MGST1: variants seen among roughly 807,000 people sequenced by gnomAD.
MGST1 encodes the protein microsomal glutathione S-transferase 1.
MGST1 carries 5 observed loss-of-function variants against 8.9 expected under a neutral mutation model. The ratio of observed to expected loss-of-function variants is 0.56; its 90% CI spans 0.29 to 1.19. MGST1 has a LOEUF of 1.19. Among genes scored for constraint, MGST1 ranks in the 50% most tolerant of loss-of-function variants. MGST1 has a pLI of 0.08. For missense variants in MGST1, 182 were observed against 187.4 expected (o/e 0.97, Z 0.17); for synonymous variants, 54 against 67.8 (o/e 0.80, Z 1.00).
intron 4 of MGST1, among the ~76,000 whole-genome samples, chr12:16,499,814 G>A (rs1320772694): frequency 6.6e-6 from 1 of 152,098 alleles, no homozygotes; most frequent in Admixed American, 6.6e-5. Context: ...GTGGAATCCT[G>A]GCAGATTAAA....
At chr12:16,583,814 G>A (rs189583520) in intron 4 of MGST1, among the ~76,000 whole-genome samples, 85 of 152,278 alleles carry the variant, frequency 5.6e-4, no homozygotes, top group African/African-American at 1.9e-3. Flanking sequence ...AGATGGAAGT[G>A]AAGGGGACTT....
chr12:16,434,786 C>T (rs1447165227), intron 1 of MGST1, among the ~76,000 whole-genome samples: 3 of 151,896 alleles, frequency 2.0e-5, no homozygotes, highest in Non-Finnish European at 2.9e-5. Context: ...TAGAGTAAAA[C>T]GATTTGACAG....
At chr12:16,398,086 A>ATT (rs34896307) in intron 1 of MGST1, among the ~76,000 whole-genome samples, 37 of 147,348 alleles carry the variant, frequency 2.5e-4, no homozygotes, top group African/African-American at 8.7e-4. Flanking sequence ...TCTTGGTTAG[A>ATT]TTTTTTTTTT....
chr12:16,413,491 A>C lies in MGST1; in HGVS notation n.779-23897A>C, dbSNP rs1940759795. Among the ~76,000 whole-genome samples, 2 of 152,118 alleles carry C rather than the reference A, an allele frequency of 1.3e-5. No homozygotes were observed. Among genetic ancestry groups the C allele is most frequent in the Non-Finnish European group, 2.9e-5 (2 of 68,020 alleles). ...CTGAGAACAGCAGGTAAGTGGTGGTATGGAGTTGAAAGAGAATTCTCCCAG... is the reference window on the plus strand; with the variant it reads ...CTGAGAACAGCAGGTAAGTGGTGGTCTGGAGTTGAAAGAGAATTCTCCCAG... On this transcript the variant is annotated intron_variant and non_coding_transcript_variant, in intron 1 of 1. Coordinates refer to the MGST1 transcript ENST00000359720. The surrounding 1 kb of genome is among the most constrained non-coding windows in gnomAD (Gnocchi z 4.0).
intron 4 of MGST1, among the ~76,000 whole-genome samples, chr12:16,462,026 C>A (rs955816876): frequency 2.0e-5 from 3 of 152,064 alleles, no homozygotes; most frequent in African/African-American, 7.2e-5. Flanking sequence ...TCATCACCCA[C>A]AGATAATCTG....
At position 16,409,280 on chromosome 12, in the gene MGST1, TTGTG is replaced by T. The variant is rs570470573; in HGVS notation, n.778+25684_778+25687del. On this transcript the variant is annotated intron_variant and non_coding_transcript_variant, in intron 1 of 1. Transcript: ENST00000359720. ...ATGTGTAATGTGTGTATGTGTGTGT[TTGTG>T]TGTGTGTATGTGTGTGTATATGCAT... is the stretch of plus-strand genomic sequence containing the variant. 2.9e-3 allele frequency among the ~76,000 whole-genome samples: 445 copies of T among 151,966 alleles called. 3 individuals carry two copies. Among genetic ancestry groups the T allele is most frequent in the African/African-American group, 0.01 (417 of 41,476 alleles).
At chr12:16,431,299 G>C (rs909003571) in intron 1 of MGST1, among the ~76,000 whole-genome samples, 13 of 152,228 alleles carry the variant, frequency 8.5e-5, no homozygotes, top group African/African-American at 3.1e-4. Flanking sequence ...GTGTTGACTG[G>C]AGTAGCACTT....
At chr12:16,459,648 G>A (rs765458810) in intron 4 of MGST1, among the ~76,000 whole-genome samples, 48 of 152,116 alleles carry the variant, frequency 3.2e-4, no homozygotes, top group Non-Finnish European at 7.4e-5. Flanking sequence ...GGTGGGAACA[G>A]AATGTCAGAT....
intron 1 of MGST1, among the ~76,000 whole-genome samples, chr12:16,418,255 A>T (rs1258017822): frequency 1.3e-5 from 2 of 152,140 alleles, no homozygotes; most frequent in Non-Finnish European, 2.9e-5. Flanking sequence ...ATGCCCAAGG[A>T]TGCACATTGT....
chr12:16,572,568 T>C (rs2137455562), intron 4 of MGST1, among the ~76,000 whole-genome samples: 1 of 150,128 alleles, frequency 6.7e-6, no homozygotes, highest in Non-Finnish European at 1.5e-5. Context: ...AAACTGGATG[T>C]CAAACCCTTC....
At chr12:16,572,339 CTTTTTTTTT>C (rs59773866) in intron 4 of MGST1, among the ~76,000 whole-genome samples, 4 of 89,530 alleles carry the variant, frequency 4.5e-5, no homozygotes, top group East Asian at 3.5e-4. Context: ...GGTCCAAACT[CTTTTTTTTT>C]TTTTTTTTTT....
intron 4 of MGST1, among the ~76,000 whole-genome samples, chr12:16,534,542 T>C (rs890928457): frequency 2.0e-5 from 3 of 152,218 alleles, no homozygotes; most frequent in Admixed American, 6.5e-5. Context: ...TGTTCCCTTA[T>C]GTATTGTGTG....
intron 4 of MGST1, among the ~76,000 whole-genome samples, chr12:16,467,067 A>G (rs918932956): frequency 2.0e-5 from 3 of 152,174 alleles, no homozygotes; most frequent in African/African-American, 7.2e-5. Flanking sequence ...TTTAAAAAAA[A>G]ATTTGGGTTG....
intron 4 of MGST1, among the ~76,000 whole-genome samples, chr12:16,494,181 A>C (rs1565464359): frequency 6.6e-6 from 1 of 152,192 alleles, no homozygotes; most frequent in Non-Finnish European, 1.5e-5. Flanking sequence ...TTGATCAAAA[A>C]AATTAAATAA....
Position 16,402,429 on chromosome 12 carries a change from A to G in MGST1, n.778+18825A>G, listed in dbSNP as rs933706870. 29 of 1,603,826 alleles carry G rather than the reference A, an allele frequency of 1.8e-5. No individual in the cohort carries two copies. The South Asian group carries it at 3.0e-4, about 16-fold the overall frequency. On this transcript the variant is annotated intron_variant and non_coding_transcript_variant, in intron 1 of 1. Transcript: ENST00000359720. ...TCCAGAGTCACAGCCATAGCCCTGG[A>G]CGCCGCTTCTCCTCGGGTTCTGAGA...
chr12:16,369,273 A>C (rs1042169173), downstream of MGST1, among the ~76,000 whole-genome samples: 5 of 152,192 alleles, frequency 3.3e-5, no homozygotes, highest in African/African-American at 9.6e-5. This position sits in a 1 kb window ranked among gnomAD's most constrained non-coding sequence, Gnocchi z 4.8. Context: ...CTACTGTATT[A>C]ATAGCCACAA....
intron 3 of MGST1, among the ~76,000 whole-genome samples, chr12:16,359,390 TAAG>T (rs1035144126): frequency 4.6e-5 from 7 of 152,350 alleles, no homozygotes; most frequent in African/African-American, 9.6e-5. Flanking sequence ...GTTTCTCTTC[TAAG>T]AAGAAGTCTG....
chr12:16,449,404 C>G (rs71461011), intron 4 of MGST1, among the ~76,000 whole-genome samples: 3 of 151,902 alleles, frequency 2.0e-5, no homozygotes, highest in African/African-American at 7.2e-5. Context: ...CCAAACACTT[C>G]CCGCCAGGCC....
chr12:16,545,442 CTTTAA>C (rs1381875325), intron 4 of MGST1, among the ~76,000 whole-genome samples: 1 of 151,964 alleles, frequency 6.6e-6, no homozygotes, highest in Non-Finnish European at 1.5e-5. Context: ...TTTCTAGGGC[CTTTAA>C]TTTTTTTCAT....
Sources: gnomAD v4.1 joint callset for allele counts (sites outside exome capture counted in the v4.1 genomes callset) on GRCh38, gnomAD v4.1.1 for gene constraint, Gnocchi (gnomAD v3.1) non-coding constraint, MANE v1.5 for transcripts, NCBI Gene and HGNC (gene_info 2026-07-23, HGNC 2026-07-21) for gene names.